The following ZMYND8 variants were observed in gnomAD, a reference collection of about 807,000 sequenced individuals.
ZMYND8 encodes zinc finger MYND-type containing 8.
A neutral mutation model predicts 140.8 loss-of-function variants in ZMYND8; 37 were observed. The ratio of observed to expected loss-of-function variants is 0.26; its 90% CI spans 0.20 to 0.35. ZMYND8 has a LOEUF of 0.35. Among genes scored for constraint, ZMYND8 ranks in the 10% least tolerant of loss-of-function variants. The probability of loss-of-function intolerance (pLI) is 1.00; values close to 1 mark genes in which losing one functional copy is unlikely to be tolerated. For missense variants in ZMYND8, 1,068 were observed against 1,570.0 expected (o/e 0.68, Z 5.40); for synonymous variants, 592 against 597.1 (o/e 0.99, Z 0.12).
intron 2 of ZMYND8, among the ~76,000 whole-genome samples, chr20:47,328,191 G>T (rs2080611875): frequency 6.6e-6 from 1 of 152,188 alleles, no homozygotes; most frequent in Admixed American, 6.5e-5. Context: ...ATAAGGTAAA[G>T]AGAGGGATCA....
chr20:47,272,608 C>T (rs1003428930), intron 11 of ZMYND8, among the ~76,000 whole-genome samples: 1 of 152,338 alleles, frequency 6.6e-6, no homozygotes, highest in Admixed American at 6.5e-5. Context: ...GGCCACCTAG[C>T]TAGCAAGATT....
chr20:47,303,637 G>A (rs984473739), intron 3 of ZMYND8, among the ~76,000 whole-genome samples: 18 of 152,024 alleles, frequency 1.2e-4, no homozygotes, highest in South Asian at 1.0e-3. Flanking sequence ...TGGAGGTTGC[G>A]GTGAGCCAAG....
At chr20:47,305,766 C>A (rs1016690456) in intron 3 of ZMYND8, among the ~76,000 whole-genome samples, 3 of 152,108 alleles carry the variant, frequency 2.0e-5, no homozygotes, top group African/African-American at 7.2e-5. Context: ...TCTGCTGGCA[C>A]GTTATTTCTC....
At chr20:47,299,378 GAT>G (rs1285856590) in intron 3 of ZMYND8, among the ~76,000 whole-genome samples, 2 of 152,292 alleles carry the variant, frequency 1.3e-5, no homozygotes, top group East Asian at 3.9e-4. Context: ...TAAATGGGGT[GAT>G]ATAATGTATG....
At chr20:47,216,020 C>T (rs565213170) in intron 21 of ZMYND8, among the ~76,000 whole-genome samples, 18 of 152,246 alleles carry the variant, frequency 1.2e-4, no homozygotes, top group South Asian at 1.0e-3. Context: ...TGCCTTTGAA[C>T]GGCAGGAGGG....
chr20:47,229,840 CA>C (rs748922070), intron 16 of ZMYND8, 34 bp from the exon 17 acceptor site: 8 of 1,577,050 alleles, frequency 5.1e-6, no homozygotes, highest in Non-Finnish European at 6.1e-6. Context: ...TTCAGCTGAT[CA>C]CTTCTTGGAG....
At chr20:47,225,674 C>A (rs1409928926) in intron 18 of ZMYND8, among the ~76,000 whole-genome samples, 1 of 148,392 alleles carries the variant, frequency 6.7e-6, no homozygotes, top group East Asian at 2.0e-4. Context: ...ATTAACCCCT[C>A]ATAAAGAAGT....
rs143193681 is a variant in ZMYND8 at position 47,252,019 on chromosome 20, G to A, written c.1622-2580C>T. Among the ~76,000 whole-genome samples, 17 of 152,112 alleles carry A rather than the reference G, an allele frequency of 1.1e-4. No individual in the cohort carries two copies. In the East Asian group the frequency reaches 3.1e-3, roughly 28 times the overall value. On this transcript the variant is annotated intron_variant, in intron 12 of 22. Coordinates refer to ENST00000471951, the MANE Select transcript of ZMYND8 (RefSeq NM_001281775.3). ...GAAAGAAAGAAAAGAGAAATGCCGGGCGCAGCAGTTCACGCCTGTAATCCA... is the reference window on the plus strand; with the variant it reads ...GAAAGAAAGAAAAGAGAAATGCCGGACGCAGCAGTTCACGCCTGTAATCCA...
intron 14 of ZMYND8, among the ~76,000 whole-genome samples, chr20:47,240,951 G>A (rs990966784): frequency 2.0e-5 from 3 of 152,146 alleles, no homozygotes; most frequent in Admixed American, 6.5e-5. Flanking sequence ...GGGACTACAC[G>A]GGACGTGCTA....
intron 10 of ZMYND8, among the ~76,000 whole-genome samples, chr20:47,281,021 G>A (rs972519217): frequency 3.3e-5 from 5 of 152,136 alleles, no homozygotes; most frequent in South Asian, 4.1e-4. Context: ...TCCCCGCTAG[G>A]ATGTCAGCCT....
intron 4 of ZMYND8, among the ~76,000 whole-genome samples, chr20:47,296,413 C>A (rs1157712975): frequency 6.6e-6 from 1 of 152,120 alleles, no homozygotes; most frequent in Non-Finnish European, 1.5e-5. Flanking sequence ...TGGACAAAAT[C>A]TTTCTGCTTG....
chr20:47,351,413 T>C (rs2082770279), intron 1 of ZMYND8, among the ~76,000 whole-genome samples: 1 of 152,320 alleles, frequency 6.6e-6, no homozygotes, highest in African/African-American at 2.4e-5. Flanking sequence ...CCATCTAGAA[T>C]ATATAACCAA....
At chr20:47,349,897 T>A in intron 1 of ZMYND8, 1 of 1,535,468 alleles carries the variant, frequency 6.5e-7, no homozygotes, top group Non-Finnish European at 8.7e-7. Flanking sequence ...CATTCAAAGG[T>A]GTATTGATCA....
chr20:47,214,745 T>C (rs946065350), intron 21 of ZMYND8, among the ~76,000 whole-genome samples: 2 of 152,130 alleles, frequency 1.3e-5, no homozygotes, highest in African/African-American at 2.4e-5. Flanking sequence ...TCCACCCACC[T>C]TGGCCTCTCA....
chr20:47,255,720 GTGTATATATATATATA>G (rs1247395017), intron 12 of ZMYND8, among the ~76,000 whole-genome samples: 4 of 27,240 alleles, frequency 1.5e-4, no homozygotes, highest in African/African-American at 4.4e-4. Context: ...CCGTGTATGT[GTGTATATATATATATA>G]TATATATATA....
intron 2 of ZMYND8, among the ~76,000 whole-genome samples, chr20:47,340,465 A>C (rs1358362826): frequency 6.6e-6 from 1 of 151,870 alleles, no homozygotes; most frequent in Non-Finnish European, 1.5e-5. Context: ...ACTACACTGC[A>C]GCCTGCGCAA....
At chr20:47,356,349 AGG>A in intron 1 of ZMYND8, 1 of 1,460,444 alleles carries the variant, frequency 6.8e-7, no homozygotes, top group Non-Finnish European at 9.0e-7. Context: ...AAAAAAAAGA[AGG>A]AAAAAAAAAA....
At chr20:47,308,985 G>A (rs112063041) in intron 3 of ZMYND8, among the ~76,000 whole-genome samples, 14 of 152,242 alleles carry the variant, frequency 9.2e-5, no homozygotes, top group Non-Finnish European at 1.3e-4. Context: ...CAGAACCAAC[G>A]GGACACTGTT....
At chr20:47,245,357 C>T (rs2040440201) in intron 14 of ZMYND8, among the ~76,000 whole-genome samples, 1 of 152,126 alleles carries the variant, frequency 6.6e-6, no homozygotes, top group Non-Finnish European at 1.5e-5. Context: ...AGCGATTATC[C>T]TGCCTCCGCC....
Sources: gnomAD v4.1 joint callset for allele counts (sites outside exome capture counted in the v4.1 genomes callset) on GRCh38, gnomAD v4.1.1 for gene constraint, MANE v1.5 for transcripts, NCBI Gene and HGNC (gene_info 2026-07-23, HGNC 2026-07-21) for gene names.